The following PRKG1 variants were observed in gnomAD, a reference collection of about 807,000 sequenced individuals.
PRKG1 encodes the protein cGMP-dependent protein kinase 1.
In PRKG1, 35 loss-of-function variants were observed where a neutral mutation model predicts 88.1. The observed-to-expected ratio is 0.40, with a 90% CI of 0.30 to 0.53. The LOEUF is 0.53. Ranked by LOEUF, PRKG1 falls within the 20% of genes least tolerant of loss-of-function variation. The pLI is 0.59. For synonymous variants in PRKG1, 303 were observed against 292.5 expected (o/e 1.04, Z -0.37); for missense variants, 540 against 839.8 (o/e 0.64, Z 4.41).
chr10:51,599,045 A>G (rs1838530289), intron 3 of PRKG1, among the ~76,000 whole-genome samples: 1 of 152,182 alleles, frequency 6.6e-6, no homozygotes, highest in African/African-American at 2.4e-5. Flanking sequence ...ATCTGAGATG[A>G]TAAGCTGGAT....
chr10:51,359,113 A>G (rs980829119), intron 2 of PRKG1, among the ~76,000 whole-genome samples: 4 of 151,998 alleles, frequency 2.6e-5, no homozygotes, highest in African/African-American at 7.2e-5. Flanking sequence ...AAGATTATGC[A>G]TGTTTCTTTT....
At chr10:51,825,374 C>CA (rs1313646635) in intron 4 of PRKG1, among the ~76,000 whole-genome samples, 1 of 151,976 alleles carries the variant, frequency 6.6e-6, no homozygotes, top group East Asian at 1.9e-4. Flanking sequence ...GATGCAAGAG[C>CA]AAAAAGATCA....
intron 1 of PRKG1, among the ~76,000 whole-genome samples, chr10:51,054,911 C>G (rs1259679969): frequency 3.9e-5 from 6 of 152,150 alleles, no homozygotes; most frequent in Non-Finnish European, 8.8e-5. Flanking sequence ...ATGAAAAGCA[C>G]TTAGCACAAT....
At chr10:51,987,301 TA>T (rs56313514) in intron 5 of PRKG1, among the ~76,000 whole-genome samples, 1 of 150,938 alleles carries the variant, frequency 6.6e-6, no homozygotes, top group East Asian at 2.0e-4. Context: ...CACTTTTAAT[TA>T]AAAAAAAATT....
intron 3 of PRKG1, among the ~76,000 whole-genome samples, chr10:51,717,254 G>C (rs1226492520): frequency 6.6e-6 from 1 of 152,126 alleles, no homozygotes; most frequent in Non-Finnish European, 1.5e-5. Flanking sequence ...CACCTTTTTT[G>C]TCTGGTTTTG....
chr10:51,125,457 T>C (rs2131923819), intron 1 of PRKG1, among the ~76,000 whole-genome samples: 1 of 150,830 alleles, frequency 6.6e-6, no homozygotes, highest in South Asian at 2.1e-4. Flanking sequence ...GGAGGCCAAG[T>C]TGGGCAGATC....
rs937956590 is a variant in PRKG1, at chr10:51,697,530, A to C, written c.593-107055A>C. Reference sequence around the variant, plus strand: ...TCCCTCCTCCCCCCACCCTCAATTAAAAAAAAAAGGAAAACAGAAAGAAAG... The same window carrying C: ...TCCCTCCTCCCCCCACCCTCAATTACAAAAAAAAGGAAAACAGAAAGAAAG... On this transcript the variant is annotated intron_variant, in intron 3 of 17. Transcript: ENST00000373980. 6.4e-5 allele frequency: 41 copies of C among 639,616 alleles called. No homozygotes were observed. In the African/African-American group the frequency reaches 1.2e-3, roughly 18 times the overall value. 39.6% of individuals were successfully genotyped at this position (639,616 alleles called of 1,614,324 possible).
At position 52,282,150 on chromosome 10, in the gene PRKG1, A is replaced by G; in HGVS notation, c.1546-3A>G. The G allele has an allele frequency of 6.3e-7, 1 of 1,591,630 alleles. No homozygotes were observed. Among genetic ancestry groups the G allele is most frequent in the African/African-American group, 1.4e-5 (1 of 73,960 alleles). On this transcript the variant is annotated splice_polypyrimidine_tract_variant and splice_region_variant and intron_variant, in intron 13 of 17. Transcript: ENST00000373980. ...AAGTATCTTGTTTTTCTCTCTTTGT[A>G]AGGTTGATTTTGGCTTTGCAAAGAA...
intron 8 of PRKG1, among the ~76,000 whole-genome samples, chr10:52,137,985 A>G (rs1837473417): frequency 6.6e-6 from 1 of 152,150 alleles, no homozygotes; most frequent in African/African-American, 2.4e-5. Flanking sequence ...TATAATTATT[A>G]GTAAACCTTA....
intron 3 of PRKG1, among the ~76,000 whole-genome samples, chr10:51,471,225 A>G (rs1211208743): frequency 6.6e-6 from 1 of 151,994 alleles, no homozygotes; most frequent in East Asian, 1.9e-4. Context: ...TATCTTTCCA[A>G]TCACAAACAT....
chr10:51,297,957 A>T (rs1176486263), intron 2 of PRKG1, among the ~76,000 whole-genome samples: 2 of 152,122 alleles, frequency 1.3e-5, no homozygotes, highest in Non-Finnish European at 2.9e-5. Context: ...TACACTTGTT[A>T]CTATAAGTGA....
intron 3 of PRKG1, among the ~76,000 whole-genome samples, chr10:51,704,697 G>C (rs1841562435): frequency 6.6e-6 from 1 of 152,136 alleles, no homozygotes; most frequent in Non-Finnish European, 1.5e-5. Context: ...CAAGAAATTG[G>C]GACCTGGTGT....
intron 3 of PRKG1, among the ~76,000 whole-genome samples, chr10:51,535,211 G>GGAAATAT: frequency 6.6e-6 from 1 of 152,178 alleles, no homozygotes; most frequent in East Asian, 1.9e-4. Context: ...ATTATGTGGT[G>GGAAATAT]TGTTCTCAAA....
At chr10:51,276,660 A>T (rs1198184292) in intron 2 of PRKG1, among the ~76,000 whole-genome samples, 1 of 152,092 alleles carries the variant, frequency 6.6e-6, no homozygotes, top group Non-Finnish European at 1.5e-5. Flanking sequence ...TGCCATTCTA[A>T]CTGGTGTGAG....
At chr10:51,481,388 C>T (rs1473553644) in intron 3 of PRKG1, among the ~76,000 whole-genome samples, 1 of 152,094 alleles carries the variant, frequency 6.6e-6, no homozygotes, top group East Asian at 1.9e-4. Context: ...GCTGGGATTA[C>T]AGGTGCCCAC....
intron 3 of PRKG1, among the ~76,000 whole-genome samples, chr10:51,718,522 G>A (rs10999065): frequency 0.12 from 17,556 of 152,076 alleles, 1,406 homozygotes; most frequent in African/African-American, 0.23. Flanking sequence ...GTAGCCATTG[G>A]GGCATTTTAA....
chr10:51,293,860 T>C (rs1370620568), intron 2 of PRKG1, among the ~76,000 whole-genome samples: 1 of 152,090 alleles, frequency 6.6e-6, no homozygotes, highest in Non-Finnish European at 1.5e-5. Flanking sequence ...TGTATAAGAG[T>C]TCCGTTTTCT....
At chr10:51,952,218 T>G (rs1202198101) in intron 5 of PRKG1, among the ~76,000 whole-genome samples, 3 of 152,228 alleles carry the variant, frequency 2.0e-5, no homozygotes, top group Non-Finnish European at 4.4e-5. Context: ...GTCCAAATGT[T>G]GTTAAAAATT....
chr10:51,775,555 C>T (rs565122338), intron 3 of PRKG1, among the ~76,000 whole-genome samples: 1 of 151,368 alleles, frequency 6.6e-6, no homozygotes, highest in South Asian at 2.1e-4. Context: ...GTTGAGGAAG[C>T]CCAGTTCTTT....
Sources: gnomAD v4.1 joint callset for allele counts (sites outside exome capture counted in the v4.1 genomes callset) on GRCh38, gnomAD v4.1.1 for gene constraint, MANE v1.5 for transcripts, NCBI Gene and HGNC (gene_info 2026-07-23, HGNC 2026-07-21) for gene names.